The following GLIS3 variants were observed in gnomAD, a reference collection of about 807,000 sequenced individuals.
GLIS3 encodes the protein zinc finger protein GLIS3.
GLIS3 carries 53 observed loss-of-function variants against 78.6 expected under a neutral mutation model. The ratio of observed to expected loss-of-function variants is 0.67; its 90% CI spans 0.54 to 0.85. The LOEUF (loss-of-function observed/expected upper bound fraction) is 0.85. GLIS3 is among the 40% of genes least tolerant of loss of function. GLIS3 has a pLI of 0.00. For missense variants in GLIS3, 1,703 were observed against 1,231.1 expected (o/e 1.38, Z -5.74); for synonymous variants, 684 against 509.9 (o/e 1.34, Z -4.60).
At chr9:4,027,836 C>A (rs376372051) in intron 4 of GLIS3, among the ~76,000 whole-genome samples, 31 of 152,174 alleles carry the variant, frequency 2.0e-4, no homozygotes, top group African/African-American at 7.2e-4. Flanking sequence ...GCGGAACCCT[C>A]GTAGGAGAGG....
chr9:4,017,436 G>A (rs914168422), intron 4 of GLIS3, among the ~76,000 whole-genome samples: 5 of 152,124 alleles, frequency 3.3e-5, no homozygotes, highest in Admixed American at 1.3e-4. Context: ...GGAAGCTTGC[G>A]TGCACACACA....
In GLIS3 at chr9:4,045,538, C is replaced by T. The variant is rs1465774693; in HGVS notation, c.1710+72230G>A. On this transcript the variant is annotated intron_variant, in intron 4 of 10. Transcript: ENST00000381971. The stretch of plus-strand genomic sequence containing the variant: ...TTTTTAAGGTAGAGATGGGTTTCAC[C>T]ATGTTGGCCAGGCTGGTCTCGAACT... Among the ~76,000 whole-genome samples, 3 of 151,326 alleles carry T rather than the reference C, an allele frequency of 2.0e-5. No individual in the cohort carries two copies. The East Asian group carries it at 5.8e-4, about 29-fold the overall frequency.
At chr9:4,215,864 G>A (rs548296063) in intron 2 of GLIS3, among the ~76,000 whole-genome samples, 1 of 152,250 alleles carries the variant, frequency 6.6e-6, no homozygotes, top group African/African-American at 2.4e-5. Context: ...ACACTCAGTA[G>A]TTTTCAATAT....
chr9:4,270,423 T>C (rs1185847553), intron 2 of GLIS3, among the ~76,000 whole-genome samples: 1 of 152,226 alleles, frequency 6.6e-6, no homozygotes, highest in African/African-American at 2.4e-5. Context: ...AGGTGGGTCC[T>C]CTGCTTCAGG....
intron 4 of GLIS3, among the ~76,000 whole-genome samples, chr9:3,962,941 AT>A (rs374668450): frequency 0.1 from 10,605 of 105,538 alleles, 428 homozygotes; most frequent in Middle Eastern, 0.18. Flanking sequence ...ATCTGCTGTG[AT>A]TTAAGGGGGG....
chr9:3,830,220 T>A (rs1817967452), intron 9 of GLIS3, among the ~76,000 whole-genome samples: 1 of 152,206 alleles, frequency 6.6e-6, no homozygotes, highest in Non-Finnish European at 1.5e-5. Context: ...TTTTTTTCCA[T>A]TCAATGTAGT....
intron 2 of GLIS3, among the ~76,000 whole-genome samples, chr9:4,312,911 A>T (rs1310070991): frequency 1.3e-5 from 2 of 152,194 alleles, no homozygotes; most frequent in African/African-American, 4.8e-5. Flanking sequence ...CCTCACAGTA[A>T]CACTACGAGG....
At chr9:3,838,926 G>A (rs191069910) in intron 9 of GLIS3, among the ~76,000 whole-genome samples, 20 of 152,186 alleles carry the variant, frequency 1.3e-4, no homozygotes, top group Non-Finnish European at 2.4e-4. Context: ...CACAGATAAC[G>A]TTGCTGAAAA....
At chr9:4,264,622 G>C (rs1431998181) in intron 2 of GLIS3, among the ~76,000 whole-genome samples, 3 of 151,858 alleles carry the variant, frequency 2.0e-5, no homozygotes, top group Non-Finnish European at 2.9e-5. Context: ...TCTTCCTTAG[G>C]TCTGCAGATG....
intron 9 of GLIS3, among the ~76,000 whole-genome samples, chr9:3,833,007 G>A (rs1818135615): frequency 1.3e-5 from 2 of 152,130 alleles, no homozygotes; most frequent in African/African-American, 4.8e-5. Flanking sequence ...CTATATTCAA[G>A]TGTTGTGATA....
chr9:4,273,624 TAA>T (rs1463611290), intron 2 of GLIS3, among the ~76,000 whole-genome samples: 2 of 126,694 alleles, frequency 1.6e-5, no homozygotes, highest in Non-Finnish European at 3.6e-5. Context: ...AATAAATAAA[TAA>T]ATAAATAAAT....
chr9:4,340,040 G>A (rs979951221), intron 2 of GLIS3, among the ~76,000 whole-genome samples: 12 of 151,682 alleles, frequency 7.9e-5, no homozygotes, highest in Non-Finnish European at 1.8e-4. Context: ...GCTGACAAGC[G>A]GCTTTGCTTC....
At chr9:4,323,758 C>T (rs531940571) in intron 2 of GLIS3, among the ~76,000 whole-genome samples, 1 of 152,202 alleles carries the variant, frequency 6.6e-6, no homozygotes, top group Admixed American at 6.5e-5. Flanking sequence ...TCCTTAAAGG[C>T]AGAACCATGT....
At chr9:3,887,516 G>C (rs2130520983) in intron 7 of GLIS3, among the ~76,000 whole-genome samples, 1 of 152,304 alleles carries the variant, frequency 6.6e-6, no homozygotes, top group South Asian at 2.1e-4. Context: ...TGTCTGGACA[G>C]CTACATGAAT....
At chr9:4,297,770 G>A (rs1211983815) in intron 1 of GLIS3, among the ~76,000 whole-genome samples, 1 of 152,184 alleles carries the variant, frequency 6.6e-6, no homozygotes, top group African/African-American at 2.4e-5. Context: ...ACAGAGCAGT[G>A]GTCTCAGTCC....
intron 6 of GLIS3, among the ~76,000 whole-genome samples, chr9:3,928,335 G>A (rs78410902): frequency 0.026 from 3,977 of 152,260 alleles, 153 homozygotes; most frequent in African/African-American, 0.087. Context: ...AAAATCTGGG[G>A]TGGCCCTGAT....
chr9:4,023,512 A>T (rs1823055308), intron 4 of GLIS3, among the ~76,000 whole-genome samples: 1 of 152,210 alleles, frequency 6.6e-6, no homozygotes, highest in Non-Finnish European at 1.5e-5. Flanking sequence ...GTGGGTGAAA[A>T]ATCACCTGCA....
At chr9:4,443,702 G>T in the GLIS3 span, among the ~76,000 whole-genome samples, 1 of 152,210 alleles carries the variant, frequency 6.6e-6, no homozygotes, top group Non-Finnish European at 1.5e-5. Flanking sequence ...TCAAGAAGTG[G>T]CTGTGGGGAA....
the GLIS3 span, among the ~76,000 whole-genome samples, chr9:4,370,361 C>A: frequency 6.6e-6 from 1 of 152,158 alleles, no homozygotes; most frequent in Non-Finnish European, 1.5e-5. Flanking sequence ...TCCTACCCTT[C>A]CCTGAGAGCC....
Sources: allele counts gnomAD v4.1 joint callset (sites outside exome capture counted in the v4.1 genomes callset), GRCh38; gene constraint gnomAD v4.1.1; transcripts MANE v1.5; gene names NCBI Gene and HGNC (gene_info 2026-07-23, HGNC 2026-07-21).